MAP2K5: variants seen among roughly 807,000 people sequenced by gnomAD.
MAP2K5 encodes mitogen-activated protein kinase kinase 5.
Under a neutral mutation model 83.1 loss-of-function variants are expected in MAP2K5, and 49 were observed. The observed-to-expected ratio is 0.59, with a 90% CI of 0.47 to 0.75. The LOEUF (loss-of-function observed/expected upper bound fraction) is 0.75. Ranked by LOEUF, MAP2K5 falls within the 30% of genes least tolerant of loss-of-function variation. MAP2K5 has a pLI of 0.00. For synonymous variants in MAP2K5, 202 were observed against 191.8 expected (o/e 1.05, Z -0.44); for missense variants, 457 against 557.5 (o/e 0.82, Z 1.82).
At chr15:67,564,978 A>G (rs1368331602) in intron 3 of MAP2K5, among the ~76,000 whole-genome samples, 2 of 152,200 alleles carry the variant, frequency 1.3e-5, no homozygotes, top group African/African-American at 4.8e-5. Flanking sequence ...TTACTGCTAT[A>G]TACAAAATGC....
In MAP2K5 at chr15:67,565,784, A is replaced by T. The variant is rs566901557; in HGVS notation, c.252+2434A>T. Among the ~76,000 whole-genome samples, 53 of 152,070 alleles carry T rather than the reference A, an allele frequency of 3.5e-4. No homozygotes were observed. Among genetic ancestry groups the T allele is most frequent in the African/African-American group, 1.2e-3 (50 of 41,478 alleles). On this transcript the variant is annotated intron_variant, in intron 3 of 21. Transcript: ENST00000178640. This position sits in a 1 kb window ranked among gnomAD's most constrained non-coding sequence, Gnocchi z 4.1. ...CTCATTGATGAGATAATTTAAAAAA[A>T]TTTTTTGTAGAGATAGGGTCTTGCT...
chr15:67,751,543 T>A (rs1047662597), intron 19 of MAP2K5, among the ~76,000 whole-genome samples: 29 of 152,322 alleles, frequency 1.9e-4, no homozygotes, highest in Admixed American at 1.4e-3. Context: ...CCATCTGATA[T>A]CTTTGGGGAA....
chr15:67,795,038 C>A (rs8038024), intron 21 of MAP2K5, among the ~76,000 whole-genome samples: 4,130 of 152,344 alleles, frequency 0.027, 201 homozygotes, highest in African/African-American at 0.095. Context: ...TTCTCCACTT[C>A]TCATCATCTC....
chr15:67,671,045 T>A (rs539487845), intron 13 of MAP2K5, among the ~76,000 whole-genome samples: 5 of 152,364 alleles, frequency 3.3e-5, no homozygotes, highest in East Asian at 1.9e-4. Flanking sequence ...ACTGCCTCAC[T>A]GGGTGACCCC....
chr15:67,666,674 A>C (rs2087388625), intron 13 of MAP2K5, among the ~76,000 whole-genome samples: 1 of 152,160 alleles, frequency 6.6e-6, no homozygotes. Context: ...TAGAGGTTTC[A>C]AGAGGGAATC....
rs2087706259 is a variant in MAP2K5, at chr15:67,677,321, C to T, written c.847+12676C>T. ...TTAATTTGAACCTCAATTTCCTCCT[C>T]TGTAAAATGGGGTTAATAATAGTAC... On this transcript the variant is annotated intron_variant, in intron 13 of 21. Transcript: ENST00000178640. This position sits in a 1 kb window ranked among gnomAD's most constrained non-coding sequence, Gnocchi z 4.2. Among the ~76,000 whole-genome samples, 1 of 152,136 alleles carries T rather than the reference C, an allele frequency of 6.6e-6. No homozygotes were observed. Among genetic ancestry groups the T allele is most frequent in the African/African-American group, 2.4e-5 (1 of 41,408 alleles).
intron 7 of MAP2K5, among the ~76,000 whole-genome samples, chr15:67,599,129 C>T (rs2085594476): frequency 6.6e-6 from 1 of 152,124 alleles, no homozygotes; most frequent in African/African-American, 2.4e-5. Flanking sequence ...ATCATTCGGT[C>T]CAGAATAATG....
chr15:67,701,807 T>G (rs7169446), intron 15 of MAP2K5, among the ~76,000 whole-genome samples: 3,404 of 152,304 alleles, frequency 0.022, 60 homozygotes, highest in African/African-American at 0.04. Flanking sequence ...AACTGCACAT[T>G]GAGAAATACT....
intron 11 of MAP2K5, among the ~76,000 whole-genome samples, chr15:67,653,922 C>A (rs1275704385): frequency 3.3e-5 from 5 of 151,994 alleles, no homozygotes; most frequent in Admixed American, 2.6e-4. Flanking sequence ...TGATAGAAAT[C>A]TCTTGCGATT....
At chr15:67,603,501 T>A (rs2085708523) in intron 8 of MAP2K5, among the ~76,000 whole-genome samples, 1 of 152,220 alleles carries the variant, frequency 6.6e-6, no homozygotes, top group African/African-American at 2.4e-5. Flanking sequence ...TAATTTTCAT[T>A]CTTATATAGT....
intron 17 of MAP2K5, among the ~76,000 whole-genome samples, chr15:67,731,515 A>G (rs1288390272): frequency 3.3e-5 from 5 of 152,168 alleles, no homozygotes; most frequent in Non-Finnish European, 5.9e-5. Context: ...GTTCTAAAGA[A>G]AAAAAACATG....
Position 67,555,054 on chromosome 15 carries a change from A to T in MAP2K5, c.184+4972A>T, listed in dbSNP as rs77947038. ...TGTTTCCAAGGGGAGTTAGGGCTGGATGAGGAGAGGGACATCTGTCTGCAG... is the reference window on the plus strand; with the variant it reads ...TGTTTCCAAGGGGAGTTAGGGCTGGTTGAGGAGAGGGACATCTGTCTGCAG... On this transcript the variant is annotated intron_variant, in intron 2 of 21. Transcript: ENST00000178640. This position sits in a 1 kb window ranked among gnomAD's most constrained non-coding sequence, Gnocchi z 5.2. 0.029 allele frequency among the ~76,000 whole-genome samples: 4,414 copies of T among 152,172 alleles called. 92 individuals carry two copies. The highest frequency in any genetic ancestry group is 0.041 in the Non-Finnish European group (2,802 of 67,994).
chr15:67,660,964 A>G (rs886591495), intron 12 of MAP2K5, among the ~76,000 whole-genome samples: 1 of 152,028 alleles, frequency 6.6e-6, no homozygotes, highest in African/African-American at 2.4e-5. Flanking sequence ...GAGCAACACA[A>G]TTGCTTCAGA....
At chr15:67,593,212 A>G (rs1221516201) in intron 7 of MAP2K5, among the ~76,000 whole-genome samples, 1 of 152,224 alleles carries the variant, frequency 6.6e-6, no homozygotes, top group Non-Finnish European at 1.5e-5. Flanking sequence ...CTCAGTTTTT[A>G]AAAAGTTAAT....
chr15:67,748,103 T>C lies in MAP2K5; in HGVS notation c.1075-128T>C. The C allele has an allele frequency of 1.6e-6, 1 of 641,024 alleles. No individual in the cohort carries two copies. Among genetic ancestry groups the C allele is most frequent in the Non-Finnish European group, 2.8e-6 (1 of 350,996 alleles). The allele number at this position is 641,024 out of a possible 1,614,324, so 39.7% of individuals were successfully genotyped here. Reference sequence around the variant, plus strand: ...TATTAACATTTGTGTATTTTCATTATGTAAATTGTGTTAACACATGCCCAC... The same window carrying C: ...TATTAACATTTGTGTATTTTCATTACGTAAATTGTGTTAACACATGCCCAC... On this transcript the variant is annotated intron_variant, in intron 17 of 21. Coordinates refer to ENST00000178640, the MANE Select transcript of MAP2K5 (RefSeq NM_145160.3). This position sits in a 1 kb window ranked among gnomAD's most constrained non-coding sequence, Gnocchi z 4.0.
intron 2 of MAP2K5, among the ~76,000 whole-genome samples, chr15:67,557,167 A>G (rs575102789): frequency 6.6e-6 from 1 of 152,318 alleles, no homozygotes; most frequent in South Asian, 2.1e-4. Context: ...ATAAAAATCA[A>G]CCGTGCCCAC....
At chr15:67,799,844 G>A (rs1241063040) in intron 21 of MAP2K5, among the ~76,000 whole-genome samples, 1 of 151,934 alleles carries the variant, frequency 6.6e-6, no homozygotes, top group Non-Finnish European at 1.5e-5. Flanking sequence ...CCACTCTTTG[G>A]TATTATCTCT....
intron 7 of MAP2K5, among the ~76,000 whole-genome samples, chr15:67,597,586 G>T (rs12232316): frequency 0.28 from 41,930 of 152,062 alleles, 6,075 homozygotes; most frequent in East Asian, 0.41. Flanking sequence ...CTTCTAAATA[G>T]CACTTTCTTA....
At chr15:67,766,309 C>T (rs11071957) in intron 19 of MAP2K5, among the ~76,000 whole-genome samples, 43,172 of 152,000 alleles carry the variant, frequency 0.28, 6,577 homozygotes, top group African/African-American at 0.39. Flanking sequence ...AGAAGTTCAA[C>T]GGAAAAGCAT....
Sources: gnomAD v4.1 joint callset for allele counts (sites outside exome capture counted in the v4.1 genomes callset) on GRCh38, gnomAD v4.1.1 for gene constraint, Gnocchi (gnomAD v3.1) non-coding constraint, MANE v1.5 for transcripts, NCBI Gene and HGNC (gene_info 2026-07-23, HGNC 2026-07-21) for gene names.